The following SGMS1 variants were observed in gnomAD, a reference collection of about 807,000 sequenced individuals.
SGMS1 encodes phosphatidylcholine:ceramide cholinephosphotransferase 1.
A neutral mutation model predicts 46.2 loss-of-function variants in SGMS1; 13 were observed. The observed-to-expected ratio is 0.28, with a 90% CI of 0.18 to 0.45. The LOEUF (loss-of-function observed/expected upper bound fraction) is 0.45, where lower values mean the gene tolerates loss of function less well. SGMS1 is among the 20% of genes least tolerant of loss of function. The probability of loss-of-function intolerance (pLI) is 1.00; values close to 1 mark genes in which losing one functional copy is unlikely to be tolerated. For synonymous variants in SGMS1, 203 were observed against 187.8 expected (o/e 1.08, Z -0.66); for missense variants, 324 against 519.9 (o/e 0.62, Z 3.66).
chr10:50,337,642 G>A (rs1325235960), intron 7 of SGMS1, among the ~76,000 whole-genome samples: 1 of 152,086 alleles, frequency 6.6e-6, no homozygotes, highest in Non-Finnish European at 1.5e-5. Flanking sequence ...GATTAAAATA[G>A]GGTAAAATGA....
intron 1 of SGMS1, among the ~76,000 whole-genome samples, chr10:50,599,471 CT>C (rs11483966): frequency 2.7e-5 from 4 of 150,614 alleles, no homozygotes; most frequent in African/African-American, 9.7e-5. Context: ...TGCTGGGAGC[CT>C]TTTTTTTTAC....
intron 6 of SGMS1, among the ~76,000 whole-genome samples, chr10:50,388,672 C>A (rs571389842): frequency 6.6e-6 from 1 of 151,802 alleles, no homozygotes; most frequent in Non-Finnish European, 1.5e-5. Context: ...ATATAGCGAG[C>A]GCTTGATATG....
chr10:50,370,076 CCA>C (rs1848410845), intron 6 of SGMS1, among the ~76,000 whole-genome samples: 1 of 152,114 alleles, frequency 6.6e-6, no homozygotes, highest in African/African-American at 2.4e-5. Context: ...AGGGCACTTA[CCA>C]TGAATGGAGC....
At chr10:50,612,070 A>C (rs1007010344) in intron 1 of SGMS1, among the ~76,000 whole-genome samples, 1 of 152,130 alleles carries the variant, frequency 6.6e-6, no homozygotes, top group African/African-American at 2.4e-5. Flanking sequence ...CTTCCTTAGG[A>C]GATAGTTTTC....
intron 6 of SGMS1, among the ~76,000 whole-genome samples, chr10:50,416,803 T>A (rs979924455): frequency 7.7e-5 from 11 of 143,212 alleles, no homozygotes; most frequent in Admixed American, 7.3e-5. Flanking sequence ...CATTTAGAAG[T>A]GGTTTCTTTC....
At chr10:50,514,237 C>A (rs1037813206) in intron 3 of SGMS1, among the ~76,000 whole-genome samples, 1 of 152,190 alleles carries the variant, frequency 6.6e-6, no homozygotes, top group African/African-American at 2.4e-5. Context: ...AGAAGAAAAA[C>A]TAACATTCTG....
At chr10:50,457,010 G>A (rs1188989217) in intron 5 of SGMS1, among the ~76,000 whole-genome samples, 1 of 152,144 alleles carries the variant, frequency 6.6e-6, no homozygotes. Flanking sequence ...GCATCATTAG[G>A]ATATCATTAT....
intron 1 of SGMS1, among the ~76,000 whole-genome samples, chr10:50,609,717 G>A (rs1035854984): frequency 2.8e-4 from 43 of 151,994 alleles, no homozygotes; most frequent in African/African-American, 1.0e-3. Context: ...AAGAGCTCTG[G>A]GATGAATAAT....
At chr10:50,323,870 T>C (rs934072948) in intron 8 of SGMS1, among the ~76,000 whole-genome samples, 6 of 152,228 alleles carry the variant, frequency 3.9e-5, no homozygotes, top group African/African-American at 1.4e-4. Context: ...CTTGAGGCCC[T>C]TATCACAGCA....
chr10:50,470,909 A>G (rs955624193), intron 3 of SGMS1, among the ~76,000 whole-genome samples: 3 of 152,208 alleles, frequency 2.0e-5, no homozygotes, highest in Admixed American at 6.5e-5. Flanking sequence ...ACGCATTTGC[A>G]TAGAGGAGTT....
chr10:50,571,510 G>A lies in SGMS1; in HGVS notation c.-589+18643C>T, dbSNP rs904858850. 3.3e-4 allele frequency among the ~76,000 whole-genome samples: 50 copies of A among 152,150 alleles called. 1 individual carries two copies. The highest frequency in any genetic ancestry group is 1.0e-3 in the African/African-American group (42 of 41,420). On this transcript the variant is annotated intron_variant, in intron 2 of 10. Transcript: ENST00000361781. ...TGCTGTATCTGGGAGGTTGGCACAC[G>A]GAGAGTGGCACCACATAGTGTCCAG... is the stretch of plus-strand genomic sequence containing the variant.
chr10:50,530,562 T>C (rs1356796799), intron 2 of SGMS1, among the ~76,000 whole-genome samples: 4 of 152,118 alleles, frequency 2.6e-5, no homozygotes, highest in African/African-American at 9.7e-5. Context: ...TAGCTCACTG[T>C]AGACTTGAAT....
intron 5 of SGMS1, among the ~76,000 whole-genome samples, chr10:50,459,081 A>G (rs768157103): frequency 6.6e-6 from 1 of 152,292 alleles, no homozygotes; most frequent in South Asian, 2.1e-4. Context: ...TCATTCTTCT[A>G]TGTCATCTTC....
At chr10:50,604,345 T>TTCCAGGGTGCAACCCAAGCACCG (rs1291048936) in intron 1 of SGMS1, among the ~76,000 whole-genome samples, 1 of 151,968 alleles carries the variant, frequency 6.6e-6, no homozygotes, top group East Asian at 1.9e-4. Context: ...CAAGCAGAGG[T>TTCCAGGGTGCAACCCAAGCACCG]TCCAGGGACG....
At chr10:50,569,229 C>G (rs1406452758) in intron 2 of SGMS1, among the ~76,000 whole-genome samples, 12 of 150,286 alleles carry the variant, frequency 8.0e-5, no homozygotes, top group Non-Finnish European at 1.8e-4. Flanking sequence ...TGCAGCAAAC[C>G]ACCATGGCAC....
intron 8 of SGMS1, among the ~76,000 whole-genome samples, chr10:50,313,063 G>T (rs1847282257): frequency 2.0e-5 from 3 of 152,232 alleles, no homozygotes; most frequent in Non-Finnish European, 4.4e-5. Flanking sequence ...AAAATGTTGT[G>T]CAGAGAAGGA....
At chr10:50,493,719 C>G (rs969415451) in intron 3 of SGMS1, among the ~76,000 whole-genome samples, 9 of 151,896 alleles carry the variant, frequency 5.9e-5, no homozygotes, top group African/African-American at 2.2e-4. Context: ...AAAAAAAACT[C>G]AACATCACTG....
Position 50,387,647 on chromosome 10 carries a change from T to C in SGMS1, c.-231-43302A>G, listed in dbSNP as rs536435943. Among the ~76,000 whole-genome samples the C allele has an allele frequency of 5.9e-5, 9 of 152,194 alleles. No homozygotes were observed. The South Asian group carries it at 1.9e-3, about 32-fold the overall frequency. ...CTTCAGGACAAATCTAATTGTCAAA[T>C]GAAAAAAGCAAGGCGGCAGATTCAT... On this transcript the variant is annotated intron_variant, in intron 6 of 10. Transcript: ENST00000361781.
At position 50,450,082 on chromosome 10, in the gene SGMS1, A is replaced by AT. The variant is rs934837537; in HGVS notation, c.-313+10590dup. Among the ~76,000 whole-genome samples the AT allele has an allele frequency of 7.9e-5, 12 of 152,216 alleles. 1 individual carries two copies. The highest frequency in any genetic ancestry group is 5.2e-4 in the Admixed American group (8 of 15,290). Reference sequence around the variant, plus strand: ...AAGACTATATGAAACCATTAATAGAATTTTTTTTAATAATGAGAATAACAG... The same window carrying AT: ...AAGACTATATGAAACCATTAATAGAATTTTTTTTTAATAATGAGAATAACAG... On this transcript the variant is annotated intron_variant, in intron 5 of 10. Coordinates refer to ENST00000361781, the MANE Select transcript of SGMS1 (RefSeq NM_147156.4).
Sources: gnomAD v4.1 joint callset for allele counts (sites outside exome capture counted in the v4.1 genomes callset) on GRCh38, gnomAD v4.1.1 for gene constraint, MANE v1.5 for transcripts, NCBI Gene and HGNC (gene_info 2026-07-23, HGNC 2026-07-21) for gene names.